Variants in LRP1B observed in about 807,000 individuals in gnomAD.
LRP1B encodes the protein low-density lipoprotein receptor-related protein 1B.
LRP1B carries 217 observed loss-of-function variants against 556.6 expected under a neutral mutation model. The ratio of observed to expected loss-of-function variants is 0.39; its 90% CI spans 0.35 to 0.44. LRP1B has a LOEUF of 0.44. Ranked by LOEUF, LRP1B falls within the 20% of genes least tolerant of loss-of-function variation. LRP1B has a pLI of 1.00. For synonymous variants in LRP1B, 2,047 were observed against 1,865.8 expected (o/e 1.10, Z -2.50); for missense variants, 5,053 against 5,620.8 (o/e 0.90, Z 3.23).
chr2:140,401,137 T>G (rs1055710034), intron 66 of LRP1B, among the ~76,000 whole-genome samples: 9 of 152,074 alleles, frequency 5.9e-5, no homozygotes, highest in Non-Finnish European at 1.3e-4. Context: ...TGTCCAGAAC[T>G]TGGTGGGGCT....
At chr2:140,325,036 T>C (rs1680396765) in intron 80 of LRP1B, among the ~76,000 whole-genome samples, 1 of 151,908 alleles carries the variant, frequency 6.6e-6, no homozygotes, top group African/African-American at 2.4e-5. Context: ...CATGCAAATA[T>C]AAAAATTTAA....
intron 71 of LRP1B, among the ~76,000 whole-genome samples, chr2:140,369,495 G>A (rs1445286108): frequency 1.3e-5 from 2 of 152,032 alleles, no homozygotes; most frequent in South Asian, 4.1e-4. Flanking sequence ...TGTCTCTAGA[G>A]TGACCAATTA....
intron 1 of LRP1B, among the ~76,000 whole-genome samples, chr2:141,975,566 T>G (rs1449960682): frequency 6.6e-6 from 1 of 152,136 alleles, no homozygotes; most frequent in Non-Finnish European, 1.5e-5. Flanking sequence ...TTTTAGTGGC[T>G]TAAGGACCCT....
At position 141,299,314 on chromosome 2, in the gene LRP1B, A is replaced by G. The variant is rs143390302; in HGVS notation, c.344-44673T>C. ...CAATTTCACTATCTGCAATTTTATA[A>G]TAACAATTGAGGACCTCATTTCTTT... On this transcript the variant is annotated intron_variant, in intron 3 of 90. Transcript: ENST00000389484. Among the ~76,000 whole-genome samples, 28 of 152,294 alleles carry G rather than the reference A, an allele frequency of 1.8e-4. No individual in the cohort carries two copies. In the East Asian group the frequency reaches 5.4e-3, roughly 29 times the overall value.
rs1364246571 is a variant in LRP1B at position 141,153,377 on chromosome 2, T to C, written c.1013+35044A>G. Among the ~76,000 whole-genome samples the C allele has an allele frequency of 1.5e-3, 150 of 101,010 alleles. 5 individuals are homozygous for C. In the East Asian group the frequency reaches 0.029, roughly 20 times the overall value. The allele number at this position is 101,010 out of a possible 152,430, so 66.3% of individuals were successfully genotyped here. The stretch of plus-strand genomic sequence containing the variant: ...AGCTATATATATTTATATATAATAA[T>C]ATATATAAGCTATATATTTATATAT... On this transcript the variant is annotated intron_variant, in intron 7 of 90. Transcript: ENST00000389484.
chr2:140,690,456 C>T (rs1042844231), intron 41 of LRP1B, among the ~76,000 whole-genome samples: 1 of 151,736 alleles, frequency 6.6e-6, no homozygotes, highest in Non-Finnish European at 1.5e-5. Flanking sequence ...TATGCTTTTT[C>T]TCTTATTAAC....
At chr2:141,731,296 T>C (rs533630706) in intron 2 of LRP1B, among the ~76,000 whole-genome samples, 1 of 152,198 alleles carries the variant, frequency 6.6e-6, no homozygotes, top group African/African-American at 2.4e-5. Flanking sequence ...CTTGAATCTT[T>C]TGAAAATGCC....
intron 7 of LRP1B, among the ~76,000 whole-genome samples, chr2:141,094,544 C>T (rs1422985156): frequency 6.6e-6 from 1 of 152,088 alleles, no homozygotes; most frequent in Non-Finnish European, 1.5e-5. Flanking sequence ...GCAGCTAGAT[C>T]TTCGGCATAT....
chr2:140,372,092 G>C (rs962000678), intron 69 of LRP1B, among the ~76,000 whole-genome samples: 2 of 152,114 alleles, frequency 1.3e-5, no homozygotes, highest in East Asian at 3.9e-4. Context: ...AAATGTCTGG[G>C]CTTCTGGCCT....
At chr2:141,941,232 C>T (rs772555493) in intron 1 of LRP1B, among the ~76,000 whole-genome samples, 4 of 152,104 alleles carry the variant, frequency 2.6e-5, no homozygotes, top group African/African-American at 7.2e-5. Context: ...AGGAATTTCA[C>T]CACAAAATAC....
intron 2 of LRP1B, among the ~76,000 whole-genome samples, chr2:141,566,760 G>A (rs753727376): frequency 2.0e-5 from 3 of 152,278 alleles, no homozygotes; most frequent in South Asian, 4.1e-4. Context: ...CCTGGAGGCT[G>A]AGATGGGAGG....
chr2:140,697,430 G>A (rs1686470913), intron 41 of LRP1B, among the ~76,000 whole-genome samples: 1 of 151,592 alleles, frequency 6.6e-6, no homozygotes, highest in Non-Finnish European at 1.5e-5. Flanking sequence ...ACATATATAT[G>A]TATTAGCATT....
intron 43 of LRP1B, among the ~76,000 whole-genome samples, chr2:140,565,766 C>T (rs1054701075): frequency 6.6e-6 from 1 of 152,130 alleles, no homozygotes; most frequent in Non-Finnish European, 1.5e-5. Context: ...GATAGCCACA[C>T]AGAAAACTGA....
chr2:140,580,645 G>A (rs150724161), intron 43 of LRP1B, among the ~76,000 whole-genome samples: 137 of 152,140 alleles, frequency 9.0e-4, no homozygotes, highest in African/African-American at 3.2e-3. Flanking sequence ...GAGGAAATGC[G>A]GATGAAGTCT....
intron 41 of LRP1B, among the ~76,000 whole-genome samples, chr2:140,654,691 C>G (rs1684814767): frequency 6.6e-6 from 1 of 152,044 alleles, no homozygotes; most frequent in Non-Finnish European, 1.5e-5. Flanking sequence ...TGGGATTTCC[C>G]AGGCTTATTT....
chr2:140,924,866 T>C (rs1290096388), intron 20 of LRP1B, among the ~76,000 whole-genome samples: 3 of 152,086 alleles, frequency 2.0e-5, no homozygotes, highest in Admixed American at 6.6e-5. Context: ...GGGAGATATA[T>C]ATAAAATGTG....
chr2:141,070,751 C>G (rs1467922529), intron 7 of LRP1B, among the ~76,000 whole-genome samples: 1 of 152,076 alleles, frequency 6.6e-6, no homozygotes, highest in Non-Finnish European at 1.5e-5. Flanking sequence ...ACTAGAAAAT[C>G]TAGAAGAAAT....
chr2:140,718,987 T>C (rs975491049), intron 35 of LRP1B, among the ~76,000 whole-genome samples: 24 of 152,112 alleles, frequency 1.6e-4, no homozygotes, highest in African/African-American at 5.3e-4. Context: ...CTATTCTCTC[T>C]CACCAAAATG....
At chr2:140,731,151 A>C (rs1687763059) in intron 35 of LRP1B, among the ~76,000 whole-genome samples, 1 of 152,174 alleles carries the variant, frequency 6.6e-6, no homozygotes, top group Non-Finnish European at 1.5e-5. Context: ...AACCTTACTG[A>C]CTATCACAGT....
Sources: gnomAD v4.1 joint callset for allele counts (sites outside exome capture counted in the v4.1 genomes callset) on GRCh38, gnomAD v4.1.1 for gene constraint, MANE v1.5 for transcripts, NCBI Gene and HGNC (gene_info 2026-07-23, HGNC 2026-07-21) for gene names.